GRIK4: variants seen among roughly 807,000 people sequenced by gnomAD.
The protein encoded by GRIK4 is glutamate ionotropic receptor kainate type subunit 4.
A neutral mutation model predicts 104.9 loss-of-function variants in GRIK4; 40 were observed. The observed-to-expected ratio is 0.38, with a 90% CI of 0.30 to 0.50. GRIK4 has a LOEUF of 0.50. GRIK4 is among the 20% of genes least tolerant of loss of function. GRIK4 has a pLI of 0.93. For missense variants in GRIK4, 1,047 were observed against 1,308.1 expected (o/e 0.80, Z 3.08); for synonymous variants, 485 against 524.9 (o/e 0.92, Z 1.04).
chr11:120,606,679 T>A (rs112437050), intron 1 of GRIK4, among the ~76,000 whole-genome samples: 3,773 of 152,102 alleles, frequency 0.025, 163 homozygotes, highest in African/African-American at 0.084. Context: ...GGGGGAGAAG[T>A]GTGTCGTTAG....
intron 19 of GRIK4, among the ~76,000 whole-genome samples, chr11:120,973,366 T>C (rs536425933): frequency 5.3e-4 from 81 of 152,200 alleles, no homozygotes; most frequent in Non-Finnish European, 8.8e-4. Context: ...TCCACCACAC[T>C]TTGGGACCAA....
At chr11:120,540,755 G>A (rs1368131214) in intron 1 of GRIK4, among the ~76,000 whole-genome samples, 1 of 152,146 alleles carries the variant, frequency 6.6e-6, no homozygotes, top group Non-Finnish European at 1.5e-5. Context: ...TACAGTATAG[G>A]CATTTTTGGG....
Position 120,953,247 on chromosome 11 carries a change from C to T in GRIK4, c.1700+283C>T, listed in dbSNP as rs1944051144. Among the ~76,000 whole-genome samples, 1 of 152,164 alleles carries T rather than the reference C, an allele frequency of 6.6e-6. No homozygotes were observed. The highest frequency in any genetic ancestry group is 1.5e-5 in the Non-Finnish European group (1 of 68,036). On this transcript the variant is annotated intron_variant, in intron 15 of 20. Transcript: ENST00000527524. The surrounding 1 kb of genome is among the most constrained non-coding windows in gnomAD (Gnocchi z 4.9). ...CCCCTCCCACTTCTCCCCAGACCCCCACCTAAGCCCCTTGCTTGTGTAGGA... is the reference window on the plus strand; with the variant it reads ...CCCCTCCCACTTCTCCCCAGACCCCTACCTAAGCCCCTTGCTTGTGTAGGA...
chr11:120,637,337 G>A (rs567937458), intron 1 of GRIK4, among the ~76,000 whole-genome samples: 1 of 152,070 alleles, frequency 6.6e-6, no homozygotes, highest in South Asian at 2.1e-4. Flanking sequence ...AGGGTGCCCT[G>A]GTGGGACAGG....
intron 3 of GRIK4, among the ~76,000 whole-genome samples, chr11:120,796,358 C>T (rs1477509009): frequency 3.3e-5 from 5 of 152,098 alleles, no homozygotes; most frequent in Non-Finnish European, 7.4e-5. Flanking sequence ...TTTCAATCCA[C>T]GGTTGCTTGA....
At chr11:120,661,459 G>A (rs1332750893) in intron 3 of GRIK4, among the ~76,000 whole-genome samples, 1 of 151,818 alleles carries the variant, frequency 6.6e-6, no homozygotes, top group East Asian at 1.9e-4. Flanking sequence ...TTGGGGGTGG[G>A]AGCAAAGGCA....
chr11:120,579,915 C>T (rs145677869), intron 1 of GRIK4, among the ~76,000 whole-genome samples: 97 of 152,220 alleles, frequency 6.4e-4, no homozygotes, highest in Non-Finnish European at 1.1e-3. Flanking sequence ...CCCTCCCCAC[C>T]TCCCACCCTT....
chr11:120,631,216 T>C (rs1020565743), intron 1 of GRIK4, among the ~76,000 whole-genome samples: 1 of 152,264 alleles, frequency 6.6e-6, no homozygotes, highest in African/African-American at 2.4e-5. Context: ...CATTTCATTG[T>C]ATCTCCTAGT....
chr11:120,840,473 G>A (rs1258119516), intron 8 of GRIK4, among the ~76,000 whole-genome samples: 1 of 152,144 alleles, frequency 6.6e-6, no homozygotes, highest in Non-Finnish European at 1.5e-5. Flanking sequence ...ATGGCACCTG[G>A]TTAAGGTGGG....
At chr11:120,691,876 TC>T (rs1950370424) in intron 3 of GRIK4, among the ~76,000 whole-genome samples, 4 of 152,234 alleles carry the variant, frequency 2.6e-5, no homozygotes, top group African/African-American at 9.6e-5. Context: ...TGTTGCCTGT[TC>T]CCAAGCTGGA....
At position 120,513,897 on chromosome 11, in the gene GRIK4, G is replaced by A. The variant is rs535318201; in HGVS notation, c.-159+2010G>A. On this transcript the variant is annotated intron_variant, in intron 1 of 20. Transcript: ENST00000527524. This position sits in a 1 kb window ranked among gnomAD's most constrained non-coding sequence, Gnocchi z 4.5. ...CTTCCCCAGCAATGAAAATTCTTCC[G>A]AGAGCCTGGGTCGGCTTCGTGGTCT... 2.6e-5 allele frequency among the ~76,000 whole-genome samples: 4 copies of A among 152,302 alleles called. No homozygotes were observed. The highest frequency in any genetic ancestry group is 6.5e-5 in the Admixed American group (1 of 15,298).
chr11:120,567,392 C>T (rs990064425), intron 1 of GRIK4, among the ~76,000 whole-genome samples: 1 of 152,068 alleles, frequency 6.6e-6, no homozygotes, highest in Non-Finnish European at 1.5e-5. Flanking sequence ...CTCCTAGGCT[C>T]AAGCAATCCT....
At chr11:120,590,812 T>C (rs1948724030) in intron 1 of GRIK4, among the ~76,000 whole-genome samples, 1 of 152,158 alleles carries the variant, frequency 6.6e-6, no homozygotes, top group South Asian at 2.1e-4. Flanking sequence ...CTAAGTGATT[T>C]ATACAGATTG....
intron 3 of GRIK4, among the ~76,000 whole-genome samples, chr11:120,754,913 T>G (rs1228933715): frequency 6.6e-6 from 1 of 152,216 alleles, no homozygotes; most frequent in African/African-American, 2.4e-5. Context: ...CTTTCTATAT[T>G]CTAGGTATAA....
At chr11:120,668,023 C>CA (rs913275625) in intron 3 of GRIK4, among the ~76,000 whole-genome samples, 2 of 152,004 alleles carry the variant, frequency 1.3e-5, no homozygotes, top group African/African-American at 4.8e-5. Flanking sequence ...TTTGAGGCTG[C>CA]AGTGAGCTAT....
intron 4 of GRIK4, among the ~76,000 whole-genome samples, chr11:120,813,012 A>G (rs1280443261): frequency 2.0e-5 from 3 of 152,234 alleles, no homozygotes; most frequent in Non-Finnish European, 4.4e-5. Context: ...TGCAATCAGA[A>G]CAAGTGCTGC....
chr11:120,943,152 C>A (rs10892650), intron 14 of GRIK4, among the ~76,000 whole-genome samples: 7,549 of 95,378 alleles, frequency 0.079, 249 homozygotes, highest in Middle Eastern at 0.095. Context: ...ACACACACAC[C>A]CCCCTGACTG....
chr11:120,516,809 T>C (rs1947731857), intron 1 of GRIK4, among the ~76,000 whole-genome samples: 1 of 151,438 alleles, frequency 6.6e-6, no homozygotes, highest in Middle Eastern at 3.4e-3. Context: ...GCGAGGGGAG[T>C]AGGGAAGCCG....
chr11:120,557,510 C>G (rs1948199041), intron 1 of GRIK4, among the ~76,000 whole-genome samples: 1 of 152,222 alleles, frequency 6.6e-6, no homozygotes. Flanking sequence ...AAAATTTCAT[C>G]AGACGACCTA....
Sources: gnomAD v4.1 joint callset for allele counts (sites outside exome capture counted in the v4.1 genomes callset) on GRCh38, gnomAD v4.1.1 for gene constraint, Gnocchi (gnomAD v3.1) non-coding constraint, MANE v1.5 for transcripts, NCBI Gene and HGNC (gene_info 2026-07-23, HGNC 2026-07-21) for gene names.